The following CSNK2A2IP variants were observed in gnomAD, a reference collection of about 807,000 sequenced individuals.
CSNK2A2IP encodes the protein casein kinase II subunit alpha'-interacting protein.
chr3:88,419,593 A>G, the CSNK2A2IP span, among the ~76,000 whole-genome samples: 1 of 152,126 alleles, frequency 6.6e-6, no homozygotes, highest in Non-Finnish European at 1.5e-5. Context: ...TTACGGCAGA[A>G]TGGTTTATAT....
the CSNK2A2IP span, among the ~76,000 whole-genome samples, chr3:88,460,803 T>C: frequency 2.3e-4 from 35 of 152,196 alleles, no homozygotes; most frequent in African/African-American, 8.4e-4. Context: ...TTAAACATTT[T>C]GAGGATGGAC....
chr3:88,384,416 C>A, the CSNK2A2IP span, among the ~76,000 whole-genome samples: 1 of 151,218 alleles, frequency 6.6e-6, no homozygotes, highest in Non-Finnish European at 1.5e-5. Context: ...GAAGAGCCAG[C>A]GAAAGAGACT....
the CSNK2A2IP span, among the ~76,000 whole-genome samples, chr3:88,369,311 C>T: frequency 2.6e-5 from 4 of 151,754 alleles, no homozygotes; most frequent in East Asian, 7.8e-4. Context: ...TTTGGATTTG[C>T]AAGTTTGTGT....
the CSNK2A2IP span, among the ~76,000 whole-genome samples, chr3:88,463,739 C>T: frequency 3.3e-5 from 5 of 152,086 alleles, 1 homozygote; most frequent in Admixed American, 2.0e-4. Context: ...TGGAAGTTGG[C>T]GTGGTGATTC....
At chr3:88,431,882 A>AAGAAG in the CSNK2A2IP span, among the ~76,000 whole-genome samples, 1 of 152,146 alleles carries the variant, frequency 6.6e-6, no homozygotes, top group Non-Finnish European at 1.5e-5. Flanking sequence ...ACTCAGGAAA[A>AAGAAG]AGAAGAGGTC....
the CSNK2A2IP span, among the ~76,000 whole-genome samples, chr3:88,383,799 G>C: frequency 6.6e-6 from 1 of 151,922 alleles, no homozygotes; most frequent in African/African-American, 2.4e-5. Flanking sequence ...GAGTAGCTGG[G>C]ACTACAGGTG....
the CSNK2A2IP span, among the ~76,000 whole-genome samples, chr3:88,341,182 A>G: frequency 7.2e-5 from 11 of 151,910 alleles, no homozygotes; most frequent in Non-Finnish European, 5.9e-5. Context: ...TTTTATTGCT[A>G]TTCTATATAA....
chr3:88,450,669 A>C, the CSNK2A2IP span, among the ~76,000 whole-genome samples: 3 of 151,986 alleles, frequency 2.0e-5, no homozygotes, highest in Non-Finnish European at 4.4e-5. Flanking sequence ...TATAGAGTAC[A>C]GTTTCTTTTT....
chr3:88,407,809 C>T, the CSNK2A2IP span, among the ~76,000 whole-genome samples: 10 of 151,920 alleles, frequency 6.6e-5, no homozygotes, highest in Non-Finnish European at 1.5e-4. Flanking sequence ...CTGCAACCTC[C>T]GCCTCCCAGG....
chr3:88,452,759 T>C, the CSNK2A2IP span, among the ~76,000 whole-genome samples: 1 of 152,252 alleles, frequency 6.6e-6, no homozygotes. Flanking sequence ...CAGGATTACT[T>C]TTTTTCAGGG....
the CSNK2A2IP span, among the ~76,000 whole-genome samples, chr3:88,385,001 G>A: frequency 2.7e-4 from 41 of 152,318 alleles, no homozygotes; most frequent in African/African-American, 9.4e-4. Context: ...AGACATCCAA[G>A]TTGGAGATAT....
chr3:88,379,765 A>T, the CSNK2A2IP span, among the ~76,000 whole-genome samples: 1 of 152,120 alleles, frequency 6.6e-6, no homozygotes, highest in Non-Finnish European at 1.5e-5. Flanking sequence ...AATCATGACA[A>T]CATTTGATTT....
At chr3:88,423,359 T>C in the CSNK2A2IP span, among the ~76,000 whole-genome samples, 2 of 152,142 alleles carry the variant, frequency 1.3e-5, no homozygotes, top group African/African-American at 4.8e-5. Context: ...GACTGCTGGG[T>C]ACACTTTTTT....
the CSNK2A2IP span, among the ~76,000 whole-genome samples, chr3:88,438,376 TC>T: frequency 6.6e-6 from 1 of 152,062 alleles, no homozygotes; most frequent in Non-Finnish European, 1.5e-5. Flanking sequence ...TTTACCTTTC[TC>T]CCCCAAGCTA....
At chr3:88,361,104 G>T in the CSNK2A2IP span, among the ~76,000 whole-genome samples, 3 of 151,946 alleles carry the variant, frequency 2.0e-5, no homozygotes, top group Non-Finnish European at 4.4e-5. Context: ...TGGTAGATTT[G>T]TCTTTTAGTT....
chr3:88,420,164 G>C, the CSNK2A2IP span, among the ~76,000 whole-genome samples: 1 of 152,144 alleles, frequency 6.6e-6, no homozygotes, highest in Non-Finnish European at 1.5e-5. Context: ...GTCTACTCTA[G>C]AACAGCATAA....
chr3:88,371,393 A>G, the CSNK2A2IP span, among the ~76,000 whole-genome samples: 1 of 151,836 alleles, frequency 6.6e-6, no homozygotes, highest in South Asian at 2.1e-4. Context: ...GAAATTTTAA[A>G]ATTGAAGATT....
At chr3:88,394,326 T>C in the CSNK2A2IP span, among the ~76,000 whole-genome samples, 2 of 152,226 alleles carry the variant, frequency 1.3e-5, no homozygotes, top group Non-Finnish European at 2.9e-5. Context: ...TTTTAAGTTT[T>C]AGCAATGGAT....
At chr3:88,464,733 C>G in the CSNK2A2IP span, among the ~76,000 whole-genome samples, 1 of 152,034 alleles carries the variant, frequency 6.6e-6, no homozygotes, top group Non-Finnish European at 1.5e-5. Flanking sequence ...AAAAACTTAT[C>G]ACAGATTTTT....
Sources: allele counts gnomAD v4.1 joint callset (sites outside exome capture counted in the v4.1 genomes callset), GRCh38; gene constraint gnomAD v4.1.1; transcripts MANE v1.5; gene names NCBI Gene and HGNC (gene_info 2026-07-23, HGNC 2026-07-21).